VIRMA: variants seen among roughly 807,000 people sequenced by gnomAD.
VIRMA encodes vir like m6A methyltransferase associated.
VIRMA carries 65 observed loss-of-function variants against 182.4 expected under a neutral mutation model. That is an observed-to-expected ratio of 0.36 (90% CI 0.29 to 0.44). The LOEUF (loss-of-function observed/expected upper bound fraction) is 0.44, where lower values mean the gene tolerates loss of function less well. VIRMA is among the 20% of genes least tolerant of loss of function. The probability of loss-of-function intolerance (pLI) is 1.00; values close to 1 mark genes in which losing one functional copy is unlikely to be tolerated. For missense variants in VIRMA, 1,752 were observed against 2,158.1 expected (o/e 0.81, Z 3.73); for synonymous variants, 709 against 743.1 (o/e 0.95, Z 0.75).
rs757294649 is a variant in VIRMA, at chr8:94,488,783, C to T, written c.5362G>A (p.Gly1788Ser). Residue 1788 changes from glycine to serine, a missense_variant, in exon 24 of 24, where the codon GGC (glycine) becomes AGC (serine). Gly to Ser is a moderately conservative substitution (Grantham distance 56). Coordinates refer to ENST00000297591, the MANE Select transcript of VIRMA (RefSeq NM_015496.5). ...AACTTTCCTCTTGAGCCTCCACTGC[C>T]GCTATTTGCACTAGCCCAGGAAGGT... ...LGPSWASANSGSGGSRGKFVS... is the reference protein window; with the variant it reads ...LGPSWASANSSSGGSRGKFVS... 16 of 1,614,206 alleles carry T rather than the reference C, an allele frequency of 9.9e-6. No individual in the cohort carries two copies. Among genetic ancestry groups the T allele is most frequent in the South Asian group, 3.3e-5 (3 of 91,090 alleles).
At chr8:94,517,033 G>A (rs892255169) in intron 10 of VIRMA, among the ~76,000 whole-genome samples, 28 of 152,104 alleles carry the variant, frequency 1.8e-4, no homozygotes, top group African/African-American at 6.0e-4. Flanking sequence ...AATGTCATTC[G>A]ATACACATTT....
intron 16 of VIRMA, among the ~76,000 whole-genome samples, chr8:94,500,526 T>C (rs76862850): frequency 0.014 from 2,147 of 152,306 alleles, 52 homozygotes; most frequent in African/African-American, 0.049. Context: ...GGGGACCTAT[T>C]AGAATGCCTA....
intron 10 of VIRMA, among the ~76,000 whole-genome samples, chr8:94,516,439 T>C (rs975354842): frequency 6.6e-6 from 1 of 152,164 alleles, no homozygotes; most frequent in Non-Finnish European, 1.5e-5. Flanking sequence ...AGCTATACCA[T>C]AACTCCTATA....
intron 5 of VIRMA, among the ~76,000 whole-genome samples, chr8:94,532,579 A>C (rs988486050): frequency 6.6e-6 from 1 of 152,210 alleles, no homozygotes; most frequent in African/African-American, 2.4e-5. Flanking sequence ...TATATTTATA[A>C]AAGATGTTAT....
rs1289932269 is a variant in VIRMA at position 94,509,836 on chromosome 8, T to C, written c.3731A>G (p.His1244Arg). The change falls in exon 15 of 24, where the codon CAT becomes CGT. Residue 1244 changes from histidine (H) to arginine (R), a missense_variant. Physicochemically the swap from His to Arg is conservative, Grantham distance 29. Around this residue, in one of 11 missense-constraint regions of VIRMA, gnomAD observed 777 missense variants for 920.6 expected, o/e 0.84. Transcript: ENST00000297591. ...SHKACKLAIL[H>R]LINGTIKGDE... ...ACCTTTAATAGTTCCATTAATTAGA[T>C]GCAAAATAGCTAATTTACAAGCTTT... The C allele has an allele frequency of 1.2e-6, 2 of 1,614,060 alleles. No homozygotes were observed. Among genetic ancestry groups the C allele is most frequent in the Non-Finnish European group, 1.7e-6 (2 of 1,179,958 alleles).
Position 94,548,211 on chromosome 8 carries a change from C to CA in VIRMA, c.64-4270dup, listed in dbSNP as rs1014834810. Among the ~76,000 whole-genome samples the CA allele has an allele frequency of 1.2e-3, 149 of 125,276 alleles. 4 individuals are homozygous for CA. The highest frequency in any genetic ancestry group is 1.3e-3 in the Non-Finnish European group (79 of 59,230). The allele number at this position is 125,276 out of a possible 152,430, so 82.2% of individuals were successfully genotyped here. On this transcript the variant is annotated intron_variant, in intron 1 of 23. Transcript: ENST00000297591. ...GTACCTCATACATGTATTACCTAGT[C>CA]AAAAAAAAAAAGAAAATTTAAAAAA...
chr8:94,534,613 CTTCT>C (rs373348384), intron 5 of VIRMA, among the ~76,000 whole-genome samples: 424 of 151,472 alleles, frequency 2.8e-3, no homozygotes, highest in African/African-American at 8.1e-3. Flanking sequence ...CTTGCCTCCT[CTTCT>C]TTCTTTCTCT....
chr8:94,488,948 A>G, intron 23 of VIRMA, 88 bp from the exon 24 acceptor site: 1 of 1,401,854 alleles, frequency 7.1e-7, no homozygotes, highest in Non-Finnish European at 9.7e-7. Context: ...AGCTCAAACC[A>G]AGAATTACTC....
chr8:94,511,257 A>G lies in VIRMA; in HGVS notation c.3318T>C (p.Pro1106=), dbSNP rs781218061. The G allele has an allele frequency of 1.9e-6, 3 of 1,614,096 alleles. No individual in the cohort carries two copies. The East Asian group carries it at 6.7e-5, about 36-fold the overall frequency. ...GTATGAGTCCAGAAAAAAATCCTTCAGGAACCTTCAAGATTGAAGAAAGAA... is the reference window on the plus strand; with the variant it reads ...GTATGAGTCCAGAAAAAAATCCTTCGGGAACCTTCAAGATTGAAGAAAGAA... ...KEVLSSILKV[P]EGFFSGLILL... The change falls in exon 13 of 24, where the codon CCT becomes CCC. Residue 1106 remains proline (P), a synonymous_variant. Coordinates refer to ENST00000297591, the MANE Select transcript of VIRMA (RefSeq NM_015496.5).
At position 94,511,283 on chromosome 8, in the gene VIRMA, C is replaced by A; in HGVS notation, c.3292G>T (p.Val1098Phe). Residue 1098 changes from valine to phenylalanine, a missense_variant, in exon 13 of 24, where the codon GTT becomes TTT. By Grantham distance (50) the Val-to-Phe change is conservative. Coordinates refer to ENST00000297591, the MANE Select transcript of VIRMA (RefSeq NM_015496.5). The stretch of plus-strand genomic sequence containing the variant: ...GGAACCTTCAAGATTGAAGAAAGAA[C>A]TTCTTTTAACATTAAAGACCAAGTA... ...NNTWSLMLKE[V>F]LSSILKVPEG... is the part of the protein sequence containing the mutation. 2 of 1,613,996 alleles carry A rather than the reference C, an allele frequency of 1.2e-6. No homozygotes were observed. Among genetic ancestry groups the A allele is most frequent in the South Asian group, 2.2e-5 (2 of 91,066 alleles).
chr8:94,547,894 A>G (rs1324646828), intron 1 of VIRMA, among the ~76,000 whole-genome samples: 1 of 149,252 alleles, frequency 6.7e-6, no homozygotes, highest in Non-Finnish European at 1.5e-5. Context: ...AACTTTAAAA[A>G]CTAGACGGGC....
chr8:94,500,861 C>A (rs1269917477), intron 16 of VIRMA, among the ~76,000 whole-genome samples: 1 of 151,982 alleles, frequency 6.6e-6, no homozygotes, highest in African/African-American at 2.4e-5. Flanking sequence ...AAATTAGTCA[C>A]CGATAAGAAC....
intron 6 of VIRMA, 93 bp from the exon 7 acceptor site, chr8:94,529,435 T>A (rs3098719): frequency 0.61 from 400,592 of 661,234 alleles, 124,363 homozygotes; most frequent in East Asian, 0.81. Flanking sequence ...AATATTTTGG[T>A]TGATATAGTT....
chr8:94,515,189 T>C (rs1221546839), intron 10 of VIRMA, among the ~76,000 whole-genome samples: 1 of 151,748 alleles, frequency 6.6e-6, no homozygotes, highest in Non-Finnish European at 1.5e-5. Flanking sequence ...CTCTGCCTTC[T>C]AGATGCAAGC....
At chr8:94,502,709 G>A (rs1366845658) in intron 16 of VIRMA, among the ~76,000 whole-genome samples, 2 of 152,040 alleles carry the variant, frequency 1.3e-5, no homozygotes, top group African/African-American at 4.8e-5. Context: ...ATCTTGGCTG[G>A]AACAGGGAAA....
chr8:94,495,801 G>T lies in VIRMA; in HGVS notation c.4474C>A (p.Pro1492Thr). 1 of 1,613,872 alleles carries T rather than the reference G, an allele frequency of 6.2e-7. No individual in the cohort carries two copies. Among genetic ancestry groups the T allele is most frequent in the Non-Finnish European group, 8.5e-7 (1 of 1,179,812 alleles). Residue 1492 changes from proline (P) to threonine (T), a missense_variant, in exon 19 of 24, where the codon CCT becomes ACT. Around this residue, in one of 11 missense-constraint regions of VIRMA, gnomAD observed 777 missense variants for 920.6 expected, o/e 0.84. Transcript: ENST00000297591. ...GGTTCTACATCCTGGTCACTGAGAG[G>T]TAAAGGGTCACCTGATGACTCCAGC... ...QMLESSGDPLPLSDQDVEPVL... is the reference protein window; with the variant it reads ...QMLESSGDPLTLSDQDVEPVL...
At chr8:94,490,553 A>C (rs1434940429) in intron 22 of VIRMA, among the ~76,000 whole-genome samples, 2 of 152,140 alleles carry the variant, frequency 1.3e-5, no homozygotes, top group East Asian at 1.9e-4. Context: ...CTAGTTTCTA[A>C]AATCTTGTAA....
chr8:94,553,021 C>T (rs957425889), intron 1 of VIRMA, among the ~76,000 whole-genome samples: 1 of 152,132 alleles, frequency 6.6e-6, no homozygotes, highest in African/African-American at 2.4e-5. Context: ...GCTCAGACTC[C>T]GGCACTACTG....
rs996002669 is a variant in VIRMA, at chr8:94,543,428, G to GTAA, written c.179+396_179+398dup. On this transcript the variant is annotated intron_variant, in intron 2 of 23. Coordinates refer to ENST00000297591, the MANE Select transcript of VIRMA (RefSeq NM_015496.5). ...AAAAAAAAAAAAAAAAAAAAAAGGA[G>GTAA]TAATAATAATAATAATAATAGTAAG... 1.4e-3 allele frequency among the ~76,000 whole-genome samples: 179 copies of GTAA among 127,688 alleles called. 2 individuals are homozygous for GTAA. Among genetic ancestry groups the GTAA allele is most frequent in the Admixed American group, 7.0e-3 (90 of 12,848 alleles). The allele number at this position is 127,688 out of a possible 152,430, so 83.8% of individuals were successfully genotyped here.
Sources: gnomAD v4.1 joint callset for allele counts (sites outside exome capture counted in the v4.1 genomes callset) on GRCh38, gnomAD v4.1.1 for gene constraint, gnomAD v4.1.1 regional missense constraint, MANE v1.5 for transcripts, NCBI Gene and HGNC (gene_info 2026-07-23, HGNC 2026-07-21) for gene names.